Variants in GLI2 observed in about 807,000 individuals in gnomAD.
The protein encoded by GLI2 is transcription activator GLI2.
Under a neutral mutation model 78.9 loss-of-function variants are expected in GLI2, and 22 were observed. The ratio of observed to expected loss-of-function variants is 0.28; its 90% CI spans 0.20 to 0.40. The LOEUF (loss-of-function observed/expected upper bound fraction) is 0.40, where lower values mean the gene tolerates loss of function less well. Ranked by LOEUF, GLI2 falls within the 10% of genes least tolerant of loss-of-function variation. The probability of loss-of-function intolerance (pLI) is 1.00; values close to 1 mark genes in which losing one functional copy is unlikely to be tolerated. For missense variants in GLI2, 2,097 were observed against 2,213.2 expected, an observed-to-expected ratio of 0.95 and a Z score of 1.05; for synonymous variants, 974 against 963.7, an observed-to-expected ratio of 1.01 and a Z score of -0.20.
At chr2:120,967,981 C>T (rs1468238580) in intron 5 of GLI2, among the ~76,000 whole-genome samples, 1 of 152,182 alleles carries the variant, frequency 6.6e-6, no homozygotes. Context: ...TGGCAAATGC[C>T]CTATCAGGGG....
intron 3 of GLI2, among the ~76,000 whole-genome samples, chr2:120,939,266 C>T (rs1254198663): frequency 6.6e-6 from 1 of 151,210 alleles, no homozygotes; most frequent in Non-Finnish European, 1.5e-5. Flanking sequence ...TGGGCAAGAG[C>T]GAAACTCCAT....
intron 2 of GLI2, among the ~76,000 whole-genome samples, chr2:120,901,276 A>G (rs918138272): frequency 2.0e-4 from 31 of 152,214 alleles, no homozygotes; most frequent in Admixed American, 1.7e-3. Context: ...AAGATAAATT[A>G]TGGCGGGATC....
intron 2 of GLI2, among the ~76,000 whole-genome samples, chr2:120,891,789 C>T (rs1395034536): frequency 6.6e-6 from 1 of 152,236 alleles, no homozygotes; most frequent in East Asian, 1.9e-4. Context: ...TCCATGCACC[C>T]TGACCCCACT....
chr2:120,749,378 A>G (rs867790800), intron 1 of GLI2, among the ~76,000 whole-genome samples: 1 of 151,092 alleles, frequency 6.6e-6, no homozygotes, highest in African/African-American at 2.4e-5. Flanking sequence ...GCTGTATTTT[A>G]AAAAAAAAAT....
chr2:120,847,606 T>C (rs997018064), intron 2 of GLI2, among the ~76,000 whole-genome samples: 18 of 142,470 alleles, frequency 1.3e-4, no homozygotes, highest in African/African-American at 3.9e-4. Context: ...AGAACTTGGA[T>C]TGGGGGGTTG....
intron 1 of GLI2, among the ~76,000 whole-genome samples, chr2:120,744,457 G>T (rs1682640747): frequency 6.6e-6 from 1 of 152,224 alleles, no homozygotes; most frequent in Non-Finnish European, 1.5e-5. Flanking sequence ...TTTCAGGTAT[G>T]TGAATCAATA....
intron 1 of GLI2, among the ~76,000 whole-genome samples, chr2:120,787,774 G>A (rs1684039035): frequency 6.6e-6 from 1 of 152,246 alleles, no homozygotes; most frequent in South Asian, 2.1e-4. Context: ...CGGTGCTGGG[G>A]GAGTGGTGTC....
chr2:120,939,551 A>C (rs1334870314), intron 3 of GLI2, among the ~76,000 whole-genome samples: 1 of 152,180 alleles, frequency 6.6e-6, no homozygotes, highest in African/African-American at 2.4e-5. Context: ...CTTTATATAC[A>C]TGGAATCATT....
intron 9 of GLI2, among the ~76,000 whole-genome samples, chr2:120,977,765 C>T (rs564563711): frequency 6.6e-6 from 1 of 152,312 alleles, no homozygotes; most frequent in South Asian, 2.1e-4. Flanking sequence ...ACACAGTGCC[C>T]AGAGCCCACC....
At chr2:120,948,396 C>T (rs1179999798) in intron 3 of GLI2, among the ~76,000 whole-genome samples, 1 of 152,148 alleles carries the variant, frequency 6.6e-6, no homozygotes, top group Admixed American at 6.5e-5. Context: ...TACCCCTGGG[C>T]TCCTGACTCC....
At chr2:120,880,909 C>T (rs1472634736) in intron 2 of GLI2, among the ~76,000 whole-genome samples, 2 of 152,112 alleles carry the variant, frequency 1.3e-5, no homozygotes, top group Non-Finnish European at 2.9e-5. Flanking sequence ...GATGGAAATG[C>T]AAATATCCCC....
At position 120,988,849 on chromosome 2, in the gene GLI2, C is replaced by G; in HGVS notation, c.2884C>G (p.Leu962Val). Reference protein sequence around the residue: ...ASDPVRRPDALSLPRVQRFHS... With the variant: ...ASDPVRRPDAVSLPRVQRFHS... ...CGACCCTGTGCGGCGGCCCGATGCC[C>G]TGTCCCTGCCGCGGGTGCAGCGCTT... is the stretch of plus-strand genomic sequence containing the variant. Residue 962 changes from leucine to valine, a missense_variant, in exon 14 of 14, where the codon CTG (leucine) becomes GTG (valine). Physicochemically the swap from Leu to Val is conservative, Grantham distance 32. Around this residue, in one of 5 missense-constraint regions of GLI2, gnomAD observed 1,290 missense variants for 1,261.7 expected, o/e 1.02. Transcript: ENST00000361492. 1 of 1,488,988 alleles carries G rather than the reference C, an allele frequency of 6.7e-7. No homozygotes were observed. The highest frequency in any genetic ancestry group is 2.8e-5 in the East Asian group (1 of 35,684). 92.2% of individuals were successfully genotyped at this position (1,488,988 alleles called of 1,614,324 possible).
intron 1 of GLI2, among the ~76,000 whole-genome samples, chr2:120,743,759 G>T (rs1474673761): frequency 1.3e-5 from 2 of 152,196 alleles, no homozygotes; most frequent in Non-Finnish European, 2.9e-5. Flanking sequence ...GAAGGGGGCG[G>T]GGCTTGGTAG....
chr2:120,784,868 G>A (rs539984458), intron 1 of GLI2, among the ~76,000 whole-genome samples: 1 of 152,226 alleles, frequency 6.6e-6, no homozygotes, highest in Admixed American at 6.5e-5. Flanking sequence ...GGGTTGGCAC[G>A]GCCTGTTTCC....
intron 2 of GLI2, among the ~76,000 whole-genome samples, chr2:120,843,910 G>A (rs189379474): frequency 1.1e-3 from 171 of 152,138 alleles, no homozygotes; most frequent in African/African-American, 3.7e-3. Context: ...CAAGTGATCC[G>A]CCCACCTCAG....
chr2:120,824,221 C>T (rs1685925108), intron 2 of GLI2, among the ~76,000 whole-genome samples: 1 of 152,106 alleles, frequency 6.6e-6, no homozygotes, highest in Admixed American at 6.5e-5. Flanking sequence ...GAGAAAAAGA[C>T]CCTGTGAAGG....
At chr2:120,790,489 T>C (rs1684118869) in intron 1 of GLI2, among the ~76,000 whole-genome samples, 1 of 152,084 alleles carries the variant, frequency 6.6e-6, no homozygotes, top group Admixed American at 6.5e-5. Context: ...GAGTGGAGGC[T>C]GGGGGCTGTG....
chr2:120,939,098 A>G (rs895608281), intron 3 of GLI2, among the ~76,000 whole-genome samples: 5 of 152,230 alleles, frequency 3.3e-5, no homozygotes, highest in African/African-American at 9.6e-5. Context: ...CCTGGCCAAC[A>G]TGGCGAAACC....
At chr2:120,848,437 C>T (rs546225739) in intron 2 of GLI2, among the ~76,000 whole-genome samples, 3 of 152,304 alleles carry the variant, frequency 2.0e-5, no homozygotes, top group Admixed American at 6.5e-5. Context: ...CCTACCGACT[C>T]GCCCCTGGGG....
Sources: gnomAD v4.1 joint callset for allele counts (sites outside exome capture counted in the v4.1 genomes callset) on GRCh38, gnomAD v4.1.1 for gene constraint, gnomAD v4.1.1 regional missense constraint, MANE v1.5 for transcripts, NCBI Gene and HGNC (gene_info 2026-07-23, HGNC 2026-07-21) for gene names.